TJP3: variants seen among roughly 807,000 people sequenced by gnomAD.
TJP3 encodes tight junction protein 3.
In TJP3, 85 loss-of-function variants were observed where a neutral mutation model predicts 104.2. That is an observed-to-expected ratio of 0.82 (90% CI 0.68 to 0.98). The LOEUF (loss-of-function observed/expected upper bound fraction) is 0.98, where lower values mean the gene tolerates loss of function less well. Among genes scored for constraint, TJP3 ranks in the 50% least tolerant of loss-of-function variants. TJP3 has a pLI of 0.00. For missense variants in TJP3, 1,367 were observed against 1,322.8 expected, an observed-to-expected ratio of 1.03 and a Z score of -0.52; for synonymous variants, 550 against 550.6, an observed-to-expected ratio of 1.00 and a Z score of 0.02.
At chr19:3,739,572 G>A (rs1405166533) in intron 13 of TJP3, among the ~76,000 whole-genome samples, 1 of 152,118 alleles carries the variant, frequency 6.6e-6, no homozygotes, top group Non-Finnish European at 1.5e-5. Context: ...GGCTCTGGGC[G>A]GGCCCCATTT....
chr19:3,725,180 T>C (rs1812590589), intron 1 of TJP3, among the ~76,000 whole-genome samples: 1 of 152,164 alleles, frequency 6.6e-6, no homozygotes, highest in Non-Finnish European at 1.5e-5. Flanking sequence ...GAGGATCCCT[T>C]GGGCCTGGGA....
At chr19:3,736,066 C>G in intron 10 of TJP3, 99 bp from the exon 11 acceptor site, 3 of 1,564,276 alleles carry the variant, frequency 1.9e-6, no homozygotes, top group South Asian at 2.3e-5. Context: ...TTTGGGGAAA[C>G]TGAGGCCTGG....
intron 1 of TJP3, among the ~76,000 whole-genome samples, chr19:3,710,386 C>T (rs999898017): frequency 1.3e-5 from 2 of 152,082 alleles, no homozygotes; most frequent in Non-Finnish European, 2.9e-5. Context: ...AAATGTCAGG[C>T]GGCCAAGAGT....
intron 1 of TJP3, among the ~76,000 whole-genome samples, chr19:3,719,132 C>G (rs1599144268): frequency 1.3e-5 from 2 of 152,080 alleles, no homozygotes; most frequent in South Asian, 4.2e-4. Context: ...TGCAGTGAGC[C>G]GAGACTGCGC....
chr19:3,732,675 A>G (rs553445027), intron 6 of TJP3, among the ~76,000 whole-genome samples: 97 of 151,936 alleles, frequency 6.4e-4, no homozygotes, highest in Non-Finnish European at 1.1e-3. Flanking sequence ...ACACCCAGCT[A>G]ATGTTTGTAT....
chr19:3,746,047 T>C lies in TJP3; in HGVS notation c.1976T>C (p.Ile659Thr). 2 of 1,610,136 alleles carry C rather than the reference T, an allele frequency of 1.2e-6. No homozygotes were observed. The highest frequency in any genetic ancestry group is 4.5e-5 in the East Asian group (2 of 44,830). The change falls in exon 16 of 21, where the codon ATC (isoleucine) becomes ACC (threonine). Residue 659 changes from isoleucine to threonine, a missense_variant. Coordinates refer to ENST00000541714, the MANE Select transcript of TJP3 (RefSeq NM_001267560.2). The surrounding 1 kb of genome is among the most constrained non-coding windows in gnomAD (Gnocchi z 4.1). Reference sequence around the variant, plus strand: ...AGGACCGACAGCCCCTCCAAGATCATCAAACTAGACACCGTGCGGGTGATT... The same window carrying C: ...AGGACCGACAGCCCCTCCAAGATCACCAAACTAGACACCGTGCGGGTGATT... Reference protein sequence around the residue: ...VSRTDSPSKIIKLDTVRVIAE... With the variant: ...VSRTDSPSKITKLDTVRVIAE...
Position 3,735,554 on chromosome 19 carries a change from G to A in TJP3, c.987-12G>A. The A allele has an allele frequency of 1.9e-6, 3 of 1,614,000 alleles. No homozygotes were observed. Among genetic ancestry groups the A allele is most frequent in the Non-Finnish European group, 2.5e-6 (3 of 1,179,934 alleles). On this transcript the variant is annotated splice_polypyrimidine_tract_variant and intron_variant, in intron 8 of 20. Transcript: ENST00000541714. Reference sequence around the variant, plus strand: ...TCCATCCCTGCCTCACTCCCAATCTGTTCCCCACCAGGGAGAGTCCCCGGC... The same window carrying A: ...TCCATCCCTGCCTCACTCCCAATCTATTCCCCACCAGGGAGAGTCCCCGGC...
In TJP3 at chr19:3,728,483, G is replaced by T; in HGVS notation, c.48+3G>T. On this transcript the variant is annotated splice_donor_region_variant and intron_variant, in intron 2 of 20. Transcript: ENST00000541714. ...AGCACACGGCCACACTGTCCAAGGT[G>T]AGGCCTCCCTCTCCCTGTCTGGGTG... is the stretch of plus-strand genomic sequence containing the variant. 6.2e-7 allele frequency: 1 copy of T among 1,607,044 alleles called. No homozygotes were observed. Among genetic ancestry groups the T allele is most frequent in the Non-Finnish European group, 8.5e-7 (1 of 1,176,908 alleles).
intron 9 of TJP3, 94 bp downstream of exon 9, chr19:3,735,733 C>T: frequency 6.3e-7 from 1 of 1,590,886 alleles, no homozygotes; most frequent in Admixed American, 1.7e-5. Flanking sequence ...TGGCCTGAGC[C>T]TAAGTGGTGA....
At chr19:3,718,525 G>C (rs1289589047) in intron 1 of TJP3, among the ~76,000 whole-genome samples, 4 of 151,218 alleles carry the variant, frequency 2.6e-5, no homozygotes, top group East Asian at 3.9e-4. Context: ...CTGGAGTGCA[G>C]TGGCGCAATC....
chr19:3,745,548 G>A (rs475112), intron 15 of TJP3, among the ~76,000 whole-genome samples: 106,337 of 152,084 alleles, frequency 0.7, 37,530 homozygotes, highest in Admixed American at 0.79. Flanking sequence ...AACTTTGCAC[G>A]ATCCAGGAGG....
chr19:3,712,379 G>T (rs772639169), intron 1 of TJP3, among the ~76,000 whole-genome samples: 1 of 152,132 alleles, frequency 6.6e-6, no homozygotes, highest in African/African-American at 2.4e-5. Flanking sequence ...TGGGGCAGGG[G>T]GCCCCCTCTA....
Position 3,737,626 on chromosome 19 carries a change from C to A in TJP3, c.1285-929C>A, listed in dbSNP as rs553352550. On this transcript the variant is annotated intron_variant, in intron 11 of 20. Transcript: ENST00000541714. Reference sequence around the variant, plus strand: ...GAGTTCACTCACCAAGTCTCACCCCCACTTTGCTCTCATGACCTTGCTTGT... The same window carrying A: ...GAGTTCACTCACCAAGTCTCACCCCAACTTTGCTCTCATGACCTTGCTTGT... Among the ~76,000 whole-genome samples, 10 of 152,282 alleles carry A rather than the reference C, an allele frequency of 6.6e-5. No individual in the cohort carries two copies. In the South Asian group the frequency reaches 2.1e-3, roughly 32 times the overall value.
At chr19:3,748,809 A>C (rs2036944321) in intron 19 of TJP3, among the ~76,000 whole-genome samples, 1 of 145,168 alleles carries the variant, frequency 6.9e-6, no homozygotes, top group Non-Finnish European at 1.5e-5. Flanking sequence ...TCGGCCTCCC[A>C]AAGTGCTGGG....
Position 3,750,613 on chromosome 19 carries a change from T to C in TJP3, c.2689T>C (p.Phe897Leu). The change falls in exon 21 of 21, where the codon TTT (phenylalanine) becomes CTT (leucine). Residue 897 changes from phenylalanine to leucine, a missense_variant. Physicochemically the swap from Phe to Leu is conservative, Grantham distance 22 (BLOSUM62 0). Transcript: ENST00000541714. Reference protein sequence around the residue: ...TYEREALKKKFMRVHDAESSD... With the variant: ...TYEREALKKKLMRVHDAESSD... ...TGAACGGGAAGCCCTGAAGAAAAAGTTTATGCGAGTACATGATGCGGAGTC... is the reference window on the plus strand; with the variant it reads ...TGAACGGGAAGCCCTGAAGAAAAAGCTTATGCGAGTACATGATGCGGAGTC... The C allele has an allele frequency of 6.2e-7, 1 of 1,608,736 alleles. No individual in the cohort carries two copies. The highest frequency in any genetic ancestry group is 8.5e-7 in the Non-Finnish European group (1 of 1,177,692).
In TJP3 at chr19:3,733,859, T is replaced by C. The variant is rs780332646; in HGVS notation, c.824T>C (p.Phe275Ser). 2.0e-5 allele frequency: 33 copies of C among 1,614,100 alleles called. No individual in the cohort carries two copies. In the African/African-American group the frequency reaches 4.1e-4, roughly 20 times the overall value. ...SLLVLRDRGQ[F>S]LVNIPPAVSD... ...CTGGTGCTGAGAGATCGTGGGCAGT[T>C]CCTGGTGAACATTCCGCCTGCTGTC... The change falls in exon 7 of 21, where the codon TTC becomes TCC. Residue 275 changes from phenylalanine to serine, a missense_variant. Transcript: ENST00000541714.
rs1304006982 is a variant in TJP3 at position 3,730,111 on chromosome 19, G to C, written c.242G>C (p.Cys81Ser). The C allele has an allele frequency of 8.1e-6, 13 of 1,613,998 alleles. No individual in the cohort carries two copies. In the Admixed American group the frequency reaches 2.2e-4, roughly 27 times the overall value. ...SAFAIQILKT[C>S]TKMANITVKR... Reference sequence around the variant, plus strand: ...TTTGCCATTCAGATACTCAAGACCTGCACCAAGATGGCCAACATCGTGAGT... The same window carrying C: ...TTTGCCATTCAGATACTCAAGACCTCCACCAAGATGGCCAACATCGTGAGT... The change falls in exon 4 of 21, where the codon TGC (cysteine) becomes TCC (serine). Residue 81 changes from cysteine to serine, a missense_variant. Transcript: ENST00000541714. The surrounding 1 kb of genome is among the most constrained non-coding windows in gnomAD (Gnocchi z 7.3).
At chr19:3,741,314 T>A (rs2145698041) in intron 14 of TJP3, among the ~76,000 whole-genome samples, 1 of 152,164 alleles carries the variant, frequency 6.6e-6, no homozygotes, top group South Asian at 2.1e-4. Flanking sequence ...ACATCAAATT[T>A]AAAAAGATAG....
rs556110067 is a variant in TJP3, at chr19:3,746,255, G to C, written c.2010+174G>C. On this transcript the variant is annotated intron_variant, in intron 16 of 20. Coordinates refer to ENST00000541714, the MANE Select transcript of TJP3 (RefSeq NM_001267560.2). The surrounding 1 kb of genome is among the most constrained non-coding windows in gnomAD (Gnocchi z 4.1). ...GGCCCGAGACAGACAAGGGCTTCTC[G>C]GAGTCAAACAGCAGCCAGCCCTGGG... Among the ~76,000 whole-genome samples, 4 of 152,148 alleles carry C rather than the reference G, an allele frequency of 2.6e-5. No homozygotes were observed. Among genetic ancestry groups the C allele is most frequent in the South Asian group, 4.2e-4 (2 of 4,818 alleles).
Sources: allele counts gnomAD v4.1 joint callset (sites outside exome capture counted in the v4.1 genomes callset), GRCh38; gene constraint gnomAD v4.1.1; non-coding constraint Gnocchi (gnomAD v3.1); transcripts MANE v1.5; gene names NCBI Gene and HGNC (gene_info 2026-07-23, HGNC 2026-07-21).